SSBP2: variants seen among roughly 807,000 people sequenced by gnomAD.
SSBP2 encodes single stranded DNA binding protein 2, also known as single-stranded DNA-binding protein 2.
Under a neutral mutation model 61.8 loss-of-function variants are expected in SSBP2, and 17 were observed. That is an observed-to-expected ratio of 0.28 (90% CI 0.19 to 0.41). The LOEUF is 0.41. SSBP2 is among the 10% of genes least tolerant of loss of function. The pLI is 1.00. For synonymous variants in SSBP2, 139 were observed against 141.3 expected (o/e 0.98, Z 0.12); for missense variants, 310 against 458.7 (o/e 0.68, Z 2.96).
intron 1 of SSBP2, among the ~76,000 whole-genome samples, chr5:81,670,604 A>AATT (rs761373246): frequency 5.3e-4 from 80 of 152,208 alleles, no homozygotes; most frequent in Non-Finnish European, 1.0e-3. Flanking sequence ...AAATACTTTA[A>AATT]AGCTTTCTAA....
intron 10 of SSBP2, among the ~76,000 whole-genome samples, chr5:81,451,843 A>AT (rs11408828): frequency 0.45 from 69,053 of 152,166 alleles, 19,868 homozygotes; most frequent in African/African-American, 0.82. Flanking sequence ...ATTTCTTTCA[A>AT]TTTTTTGCCC....
At chr5:81,688,113 T>C (rs984770730) in intron 1 of SSBP2, among the ~76,000 whole-genome samples, 3 of 152,162 alleles carry the variant, frequency 2.0e-5, no homozygotes, top group Non-Finnish European at 4.4e-5. Flanking sequence ...GGAAGCCCAC[T>C]GTCCTGAAGG....
chr5:81,702,715 C>G (rs1403712450), intron 1 of SSBP2, among the ~76,000 whole-genome samples: 1 of 152,066 alleles, frequency 6.6e-6, no homozygotes, highest in Non-Finnish European at 1.5e-5. Flanking sequence ...TAAACTGGGT[C>G]CCTACATTTT....
At chr5:81,438,867 T>C (rs181973278) in intron 14 of SSBP2, among the ~76,000 whole-genome samples, 152 of 152,368 alleles carry the variant, frequency 1.0e-3, no homozygotes, top group African/African-American at 3.4e-3. Flanking sequence ...AATGTTTCTC[T>C]GTGATGTTCA....
intron 1 of SSBP2, among the ~76,000 whole-genome samples, chr5:81,702,161 A>G (rs189278699): frequency 6.6e-6 from 1 of 152,276 alleles, no homozygotes; most frequent in Admixed American, 6.5e-5. Context: ...TCACGAGGTC[A>G]GGAGATCAAG....
At chr5:81,622,182 T>C (rs1746651590) in intron 3 of SSBP2, among the ~76,000 whole-genome samples, 1 of 145,372 alleles carries the variant, frequency 6.9e-6, no homozygotes, top group South Asian at 2.1e-4. Flanking sequence ...TCAAGAACAG[T>C]GGGAAGTGAA....
At chr5:81,492,089 A>G (rs1766898774) in intron 5 of SSBP2, among the ~76,000 whole-genome samples, 1 of 152,232 alleles carries the variant, frequency 6.6e-6, no homozygotes, top group Non-Finnish European at 1.5e-5. Flanking sequence ...GTTAACCCCA[A>G]TTTTAATTAT....
rs188590765 is a variant in SSBP2 at position 81,432,603 on chromosome 5, G to A, written c.958-3920C>T. ...TCTACTAAAAATACAAAAATTAGCC[G>A]GGTATGGTGGTGTGCGCCTGTAATC... On this transcript the variant is annotated intron_variant, in intron 15 of 16. Transcript: ENST00000320672. Among the ~76,000 whole-genome samples, 58 of 152,124 alleles carry A rather than the reference G, an allele frequency of 3.8e-4. No homozygotes were observed. In the East Asian group the frequency reaches 8.1e-3, roughly 21 times the overall value.
chr5:81,678,026 T>A (rs1387527361), intron 1 of SSBP2, among the ~76,000 whole-genome samples: 1 of 152,118 alleles, frequency 6.6e-6, no homozygotes, highest in African/African-American at 2.4e-5. Flanking sequence ...ACATGGCATA[T>A]GAAAAGGCAA....
intron 4 of SSBP2, among the ~76,000 whole-genome samples, chr5:81,592,912 G>C (rs949696376): frequency 6.6e-6 from 1 of 152,120 alleles, no homozygotes; most frequent in African/African-American, 2.4e-5. Context: ...AGAAAAACTG[G>C]AAACTCTAAA....
In SSBP2 at chr5:81,441,589, G is replaced by A. The variant is rs148593409; in HGVS notation, c.850-953C>T. Reference sequence around the variant, plus strand: ...AGTGGTGGTGGTGACTAATCATGAAGGCTTTTAGGAAGAAATAACTGCCTT... The same window carrying A: ...AGTGGTGGTGGTGACTAATCATGAAAGCTTTTAGGAAGAAATAACTGCCTT... On this transcript the variant is annotated intron_variant, in intron 13 of 16. Transcript: ENST00000320672. Among the ~76,000 whole-genome samples, 238 of 152,194 alleles carry A rather than the reference G, an allele frequency of 1.6e-3. 1 individual carries two copies. The highest frequency in any genetic ancestry group is 2.9e-3 in the Non-Finnish European group (198 of 68,016).
chr5:81,661,053 T>C (rs1263195087), intron 1 of SSBP2, among the ~76,000 whole-genome samples: 1 of 152,094 alleles, frequency 6.6e-6, no homozygotes, highest in Non-Finnish European at 1.5e-5. Context: ...TAATACCTAA[T>C]GAATGTGGGG....
At chr5:81,592,349 A>C (rs536658015) in intron 4 of SSBP2, among the ~76,000 whole-genome samples, 4 of 152,372 alleles carry the variant, frequency 2.6e-5, no homozygotes, top group African/African-American at 9.6e-5. Flanking sequence ...TGGTAAGCTC[A>C]AACTGGGTGG....
intron 3 of SSBP2, among the ~76,000 whole-genome samples, chr5:81,629,179 T>A (rs1332623488): frequency 6.6e-6 from 1 of 152,118 alleles, no homozygotes; most frequent in Non-Finnish European, 1.5e-5. Flanking sequence ...TAGATGGGGT[T>A]TCACCATGTT....
rs191810036 is a variant in SSBP2 at position 81,429,725 on chromosome 5, G to T, written c.958-1042C>A. On this transcript the variant is annotated intron_variant, in intron 15 of 16. Coordinates refer to ENST00000320672, the MANE Select transcript of SSBP2 (RefSeq NM_012446.5). ...TTTTTTTTAAAGAAAATTGCTCAGA[G>T]AATTTTGTCTTAACTACAACAACTT... 2.8e-3 allele frequency among the ~76,000 whole-genome samples: 428 copies of T among 152,154 alleles called. 2 individuals are homozygous for T. The highest frequency in any genetic ancestry group is 2.3e-3 in the Non-Finnish European group (159 of 67,988).
rs150974929 is a variant in SSBP2, at chr5:81,727,604, C to T, written c.62+23377G>A. Among the ~76,000 whole-genome samples the T allele has an allele frequency of 5.3e-5, 8 of 152,226 alleles. No homozygotes were observed. In the East Asian group the frequency reaches 1.5e-3, roughly 29 times the overall value. On this transcript the variant is annotated intron_variant, in intron 1 of 16. Transcript: ENST00000320672. ...AAATCATGACTACAACTATTAGGCACTAATGCATTAAAATCATTTTATGGA... is the reference window on the plus strand; with the variant it reads ...AAATCATGACTACAACTATTAGGCATTAATGCATTAAAATCATTTTATGGA...
At chr5:81,436,502 A>C (rs1762684444) in intron 15 of SSBP2, among the ~76,000 whole-genome samples, 1 of 152,198 alleles carries the variant, frequency 6.6e-6, no homozygotes. Flanking sequence ...AATTCCAATT[A>C]AATATTTTTT....
At position 81,678,111 on chromosome 5, in the gene SSBP2, C is replaced by CTATTTA. The variant is rs374054651; in HGVS notation, c.63-27773_63-27772insTAAATA. Among the ~76,000 whole-genome samples, 469 of 152,226 alleles carry CTATTTA rather than the reference C, an allele frequency of 3.1e-3. 1 individual carries two copies. The highest frequency in any genetic ancestry group is 4.9e-3 in the Non-Finnish European group (331 of 68,010). On this transcript the variant is annotated intron_variant, in intron 1 of 16. Transcript: ENST00000320672. ...GGCAGGAATGTTAGAATTATCCAAT[C>CTATTTA]AGGAATTTTCTTAAAACTATGACTA... is the stretch of plus-strand genomic sequence containing the variant.
intron 5 of SSBP2, among the ~76,000 whole-genome samples, chr5:81,510,388 A>G (rs940206651): frequency 2.0e-5 from 3 of 152,158 alleles, no homozygotes; most frequent in Non-Finnish European, 4.4e-5. Context: ...AATATCCTGC[A>G]TTTATTTCTG....
Sources: allele counts gnomAD v4.1 joint callset (sites outside exome capture counted in the v4.1 genomes callset), GRCh38; gene constraint gnomAD v4.1.1; transcripts MANE v1.5; gene names NCBI Gene and HGNC (gene_info 2026-07-23, HGNC 2026-07-21).